The following VPS13B variants were observed in gnomAD, a reference collection of about 807,000 sequenced individuals.
VPS13B encodes intermembrane lipid transfer protein VPS13B.
VPS13B carries 285 observed loss-of-function variants against 426.4 expected under a neutral mutation model. That is an observed-to-expected ratio of 0.67 (90% CI 0.61 to 0.74). The LOEUF (loss-of-function observed/expected upper bound fraction) is 0.74. VPS13B is among the 30% of genes least tolerant of loss of function. The probability of loss-of-function intolerance (pLI) is 0.00; values close to 1 mark genes in which losing one functional copy is unlikely to be tolerated. For synonymous variants in VPS13B, 1,676 were observed against 1,676.4 expected, an observed-to-expected ratio of 1.00 and a Z score of 0.01; for missense variants, 4,537 against 4,782.6, an observed-to-expected ratio of 0.95 and a Z score of 1.51.
intron 21 of VPS13B, among the ~76,000 whole-genome samples, chr8:99,425,738 A>G (rs546558441): frequency 2.6e-5 from 4 of 152,164 alleles, no homozygotes; most frequent in East Asian, 3.9e-4. Flanking sequence ...AGGGTATTCA[A>G]TTAGGAAAAG....
intron 19 of VPS13B, among the ~76,000 whole-genome samples, chr8:99,361,489 A>G (rs1812553558): frequency 6.6e-6 from 1 of 152,190 alleles, no homozygotes. Context: ...GGCTTCCTTT[A>G]GGCATATATA....
chr8:99,328,408 G>A (rs1810391424), intron 19 of VPS13B, among the ~76,000 whole-genome samples: 1 of 152,096 alleles, frequency 6.6e-6, no homozygotes, highest in South Asian at 2.1e-4. Flanking sequence ...TTTTGTGTTT[G>A]GTGCTATCAC....
chr8:99,024,192 A>G (rs1381353366), intron 2 of VPS13B, among the ~76,000 whole-genome samples: 3 of 152,112 alleles, frequency 2.0e-5, no homozygotes, highest in Admixed American at 2.0e-4. Context: ...TTGGCCATTT[A>G]TGTGTCGCCT....
At chr8:99,103,491 G>A (rs544801085) in intron 5 of VPS13B, among the ~76,000 whole-genome samples, 7 of 123,840 alleles carry the variant, frequency 5.7e-5, no homozygotes, top group African/African-American at 1.9e-4. Context: ...TGCTATGCCC[G>A]GCTTTTTTTT....
chr8:99,245,864 A>C (rs1817188285), intron 17 of VPS13B, among the ~76,000 whole-genome samples: 2 of 152,292 alleles, frequency 1.3e-5, no homozygotes, highest in South Asian at 4.1e-4. Context: ...TTTTGAGTAT[A>C]GACAAAGCGG....
intron 34 of VPS13B, among the ~76,000 whole-genome samples, chr8:99,659,601 T>G (rs1468659340): frequency 6.6e-6 from 1 of 152,240 alleles, no homozygotes; most frequent in African/African-American, 2.4e-5. Flanking sequence ...AGAAAGTTGA[T>G]TAAATATGCC....
intron 30 of VPS13B, chr8:99,527,748 G>A (rs1472869129): frequency 1.3e-5 from 2 of 152,048 alleles, no homozygotes; most frequent in Non-Finnish European, 2.9e-5. Flanking sequence ...TTCATAGGCT[G>A]ATTAGAGATT....
chr8:99,747,779 G>C (rs1810171289), intron 39 of VPS13B, among the ~76,000 whole-genome samples: 1 of 151,916 alleles, frequency 6.6e-6, no homozygotes, highest in African/African-American at 2.4e-5. Flanking sequence ...ATATTAGGGA[G>C]ATTTTGTTCT....
intron 14 of VPS13B, among the ~76,000 whole-genome samples, chr8:99,151,824 C>T (rs1355625914): frequency 6.6e-6 from 1 of 152,172 alleles, no homozygotes; most frequent in East Asian, 1.9e-4. Context: ...TGAGCTACCA[C>T]CGCACCTGGC....
At chr8:99,839,691 G>A (rs901772113) in intron 54 of VPS13B, among the ~76,000 whole-genome samples, 1 of 152,172 alleles carries the variant, frequency 6.6e-6, no homozygotes, top group Non-Finnish European at 1.5e-5. Flanking sequence ...GCTACAAATA[G>A]TAGCTGCCTG....
intron 14 of VPS13B, among the ~76,000 whole-genome samples, chr8:99,151,587 G>T (rs1204104208): frequency 1.3e-5 from 2 of 151,570 alleles, no homozygotes; most frequent in Non-Finnish European, 2.9e-5. Context: ...AGGCTGGAGT[G>T]CAATGGCATG....
intron 39 of VPS13B, among the ~76,000 whole-genome samples, chr8:99,749,527 G>A (rs749191737): frequency 6.6e-5 from 10 of 151,848 alleles, no homozygotes; most frequent in Non-Finnish European, 1.3e-4. Context: ...TTCATTTAAC[G>A]TAATGTCCTC....
At chr8:99,114,093 G>A (rs1223077796) in intron 6 of VPS13B, among the ~76,000 whole-genome samples, 3 of 150,872 alleles carry the variant, frequency 2.0e-5, no homozygotes, top group African/African-American at 7.3e-5. Context: ...ATAGAACTTT[G>A]ACCACATTTC....
chr8:99,308,732 T>C (rs929781842), intron 19 of VPS13B, among the ~76,000 whole-genome samples: 1 of 152,174 alleles, frequency 6.6e-6, no homozygotes, highest in Non-Finnish European at 1.5e-5. Flanking sequence ...AATTTCTAGT[T>C]CTAGATCCCT....
intron 33 of VPS13B, among the ~76,000 whole-genome samples, chr8:99,606,499 A>C (rs1458944199): frequency 2.1e-5 from 2 of 94,670 alleles, no homozygotes. Flanking sequence ...ACTCAGTTTC[A>C]AAAAAAAAAA....
At chr8:99,505,014 T>C (rs1226320728) in intron 27 of VPS13B, among the ~76,000 whole-genome samples, 2 of 152,234 alleles carry the variant, frequency 1.3e-5, no homozygotes, top group Non-Finnish European at 1.5e-5. Flanking sequence ...CACATTAATG[T>C]TATAGAGATG....
intron 33 of VPS13B, among the ~76,000 whole-genome samples, chr8:99,605,408 TA>T (rs200080476): frequency 6.6e-5 from 10 of 151,402 alleles, no homozygotes; most frequent in South Asian, 2.1e-4. Flanking sequence ...AGCCATTTGG[TA>T]AAAAAAAATG....
intron 3 of VPS13B, among the ~76,000 whole-genome samples, chr8:99,087,810 C>T (rs558311409): frequency 6.6e-6 from 1 of 152,148 alleles, no homozygotes; most frequent in Admixed American, 6.5e-5. Flanking sequence ...CTTTCAGTCT[C>T]TTCTAGTACA....
At chr8:99,033,089 G>A (rs547669222) in intron 2 of VPS13B, among the ~76,000 whole-genome samples, 8 of 152,178 alleles carry the variant, frequency 5.3e-5, no homozygotes, top group South Asian at 2.1e-4. Flanking sequence ...GGAGAAAAAA[G>A]CATTTATACT....
Sources: allele counts gnomAD v4.1 joint callset (sites outside exome capture counted in the v4.1 genomes callset), GRCh38; gene constraint gnomAD v4.1.1; transcripts MANE v1.5; gene names NCBI Gene and HGNC (gene_info 2026-07-23, HGNC 2026-07-21).